Variants in OSBPL1A observed in about 807,000 individuals in gnomAD.
OSBPL1A encodes oxysterol-binding protein-related protein 1.
OSBPL1A carries 80 observed loss-of-function variants against 137.1 expected under a neutral mutation model. The observed-to-expected ratio is 0.58, with a 90% CI of 0.49 to 0.70. OSBPL1A has a LOEUF of 0.70. Ranked by LOEUF, OSBPL1A falls within the 30% of genes least tolerant of loss-of-function variation. The pLI, the probability that OSBPL1A is intolerant of heterozygous loss-of-function variation, is 0.00. For synonymous variants in OSBPL1A, 365 were observed against 389.7 expected (o/e 0.94, Z 0.75); for missense variants, 970 against 1,129.4 (o/e 0.86, Z 2.02).
At chr18:24,364,819 C>T (rs1437355214) in intron 4 of OSBPL1A, 1 of 151,848 alleles carries the variant, frequency 6.6e-6, no homozygotes, top group Non-Finnish European at 1.5e-5. Flanking sequence ...GGAGACCAGC[C>T]TGGGCAACAT....
At chr18:24,370,559 C>T (rs182873884) in intron 2 of OSBPL1A, among the ~76,000 whole-genome samples, 1 of 152,300 alleles carries the variant, frequency 6.6e-6, no homozygotes, top group East Asian at 1.9e-4. Flanking sequence ...CCATCATCAC[C>T]CCTGGACTCA....
intron 4 of OSBPL1A, among the ~76,000 whole-genome samples, chr18:24,348,367 C>T (rs568393592): frequency 5.9e-5 from 9 of 152,184 alleles, no homozygotes; most frequent in African/African-American, 2.2e-4. Context: ...TTTTATTAAA[C>T]TCATTTTAAT....
chr18:24,317,357 TCTAACA>T lies in OSBPL1A; in HGVS notation c.770_775del (p.Val257_Leu258del). On this transcript the variant is annotated inframe_deletion, in exon 10 of 28. Transcript: ENST00000319481. ...CCTATACCATGAAAGGACTCCATGC[TCTAACA>T]CTACCCAGAATAATCTCCAGCCAAA... 6.2e-7 allele frequency: 1 copy of T among 1,613,836 alleles called. No homozygotes were observed.
At chr18:24,173,217 G>C (rs982006508) in intron 21 of OSBPL1A, among the ~76,000 whole-genome samples, 1 of 152,112 alleles carries the variant, frequency 6.6e-6, no homozygotes, top group Non-Finnish European at 1.5e-5. Flanking sequence ...TGAACACAAA[G>C]AAGGGATGAA....
chr18:24,389,201 C>A (rs1288872092), intron 1 of OSBPL1A, among the ~76,000 whole-genome samples: 1 of 152,182 alleles, frequency 6.6e-6, no homozygotes, highest in African/African-American at 2.4e-5. Flanking sequence ...TTCTCACATT[C>A]ACGCAATTCC....
intron 1 of OSBPL1A, among the ~76,000 whole-genome samples, chr18:24,394,992 G>A (rs1446899210): frequency 2.6e-5 from 4 of 152,288 alleles, no homozygotes; most frequent in Non-Finnish European, 5.9e-5. Context: ...CAGAGGCCAC[G>A]TGAGGAAAAA....
At chr18:24,310,103 G>T (rs558734441) in intron 13 of OSBPL1A, among the ~76,000 whole-genome samples, 13 of 150,430 alleles carry the variant, frequency 8.6e-5, no homozygotes, top group African/African-American at 3.2e-4. Context: ...TTCAAACTCT[G>T]TTGGAGAGGA....
At chr18:24,369,213 T>C (rs763989018) in intron 2 of OSBPL1A, among the ~76,000 whole-genome samples, 1 of 152,184 alleles carries the variant, frequency 6.6e-6, no homozygotes, top group Non-Finnish European at 1.5e-5. Context: ...AATGAGGATA[T>C]TGGGTTGCCA....
chr18:24,187,642 CTAT>C (rs2086785432), intron 18 of OSBPL1A, among the ~76,000 whole-genome samples: 1 of 152,162 alleles, frequency 6.6e-6, no homozygotes, highest in Non-Finnish European at 1.5e-5. Flanking sequence ...TAGATGCTAG[CTAT>C]TATCACTGTT....
At chr18:24,382,907 A>T (rs1209821230) in intron 1 of OSBPL1A, among the ~76,000 whole-genome samples, 2 of 152,120 alleles carry the variant, frequency 1.3e-5, no homozygotes, top group Non-Finnish European at 2.9e-5. Flanking sequence ...AAAGAAAAAA[A>T]TGTTTAAATA....
At chr18:24,168,868 T>C (rs2086206277) in intron 24 of OSBPL1A, among the ~76,000 whole-genome samples, 1 of 152,172 alleles carries the variant, frequency 6.6e-6, no homozygotes, top group Non-Finnish European at 1.5e-5. Flanking sequence ...TGACTGGGAA[T>C]TTAGGGAATA....
At chr18:24,182,030 T>C (rs757041337) in intron 18 of OSBPL1A, among the ~76,000 whole-genome samples, 1 of 152,212 alleles carries the variant, frequency 6.6e-6, no homozygotes, top group Non-Finnish European at 1.5e-5. Context: ...ACACATACCA[T>C]TTTTGTGAGT....
chr18:24,257,360 C>G (rs1206918387), intron 15 of OSBPL1A, among the ~76,000 whole-genome samples: 1 of 152,040 alleles, frequency 6.6e-6, no homozygotes, highest in Non-Finnish European at 1.5e-5. Context: ...GTAAAGGTAC[C>G]AAGAACATAT....
intron 1 of OSBPL1A, among the ~76,000 whole-genome samples, chr18:24,385,273 A>G (rs953046273): frequency 2.9e-4 from 44 of 152,098 alleles, no homozygotes; most frequent in Non-Finnish European, 5.7e-4. Flanking sequence ...GAATTTAAAT[A>G]CCAGCTACAT....
At chr18:24,366,329 T>C (rs1394732037) in intron 4 of OSBPL1A, 5 of 152,004 alleles carry the variant, frequency 3.3e-5, no homozygotes, top group African/African-American at 9.7e-5. Flanking sequence ...TTCCATTAAA[T>C]AGGCATGATT....
chr18:24,219,367 T>A (rs1200174126), intron 17 of OSBPL1A, among the ~76,000 whole-genome samples: 1 of 152,188 alleles, frequency 6.6e-6, no homozygotes, highest in Admixed American at 6.5e-5. Flanking sequence ...ATGGTAAATG[T>A]TGAGGGTGAA....
intron 18 of OSBPL1A, among the ~76,000 whole-genome samples, chr18:24,194,859 T>C (rs2086981046): frequency 6.6e-6 from 1 of 152,204 alleles, no homozygotes; most frequent in Non-Finnish European, 1.5e-5. Context: ...TCCCACATTA[T>C]CAGGCTCCGA....
At chr18:24,190,699 AT>A (rs1237961241) in intron 18 of OSBPL1A, among the ~76,000 whole-genome samples, 2 of 152,250 alleles carry the variant, frequency 1.3e-5, no homozygotes. Context: ...TCTAGTTGGT[AT>A]TTATAACATG....
chr18:24,391,789 T>C (rs1907378450), intron 1 of OSBPL1A, among the ~76,000 whole-genome samples: 1 of 152,162 alleles, frequency 6.6e-6, no homozygotes, highest in African/African-American at 2.4e-5. Context: ...TTTGATGTTA[T>C]GTACATTTTA....
Sources: gnomAD v4.1 joint callset for allele counts (sites outside exome capture counted in the v4.1 genomes callset) on GRCh38, gnomAD v4.1.1 for gene constraint, MANE v1.5 for transcripts, NCBI Gene and HGNC (gene_info 2026-07-23, HGNC 2026-07-21) for gene names.